The following COPB1 variants were observed in gnomAD, a reference collection of about 807,000 sequenced individuals.
COPB1 encodes the protein coatomer subunit beta.
A neutral mutation model predicts 108.7 loss-of-function variants in COPB1; 21 were observed. The ratio of observed to expected loss-of-function variants is 0.19; its 90% CI spans 0.14 to 0.28. COPB1 has a LOEUF of 0.28. Among genes scored for constraint, COPB1 ranks in the 10% least tolerant of loss-of-function variants. The probability of loss-of-function intolerance (pLI) is 1.00; values close to 1 mark genes in which losing one functional copy is unlikely to be tolerated. For synonymous variants in COPB1, 378 were observed against 386.8 expected (o/e 0.98, Z 0.27); for missense variants, 919 against 1,141.3 (o/e 0.81, Z 2.81).
chr11:14,474,704 ACT>A, intron 13 of COPB1, 89 bp from the exon 14 acceptor site: 1 of 1,507,002 alleles, frequency 6.6e-7, no homozygotes, highest in East Asian at 2.3e-5. Flanking sequence ...CCTATTAAAC[ACT>A]CTTATTACCA....
rs1851113786 is a variant in COPB1, at chr11:14,499,726, GC to G, written c.-78del. The G allele has an allele frequency of 6.6e-6, 1 of 152,336 alleles. No homozygotes were observed. 9.4% of individuals were successfully genotyped at this position (152,336 alleles called of 1,614,324 possible). On this transcript the variant is annotated 5_prime_UTR_variant, in exon 1 of 22. Coordinates refer to ENST00000439561, the MANE Select transcript of COPB1 (RefSeq NM_001144061.2). ...ACCCACCACGCCTCTGGGACTGGGG[GC>G]TTGTGGCCCACTACCAGGCTCCGAG... is the stretch of plus-strand genomic sequence containing the variant.
chr11:14,475,873 G>A lies in COPB1; in HGVS notation c.1528C>T (p.Pro510Ser), dbSNP rs1489193717. 9 of 1,613,200 alleles carry A rather than the reference G, an allele frequency of 5.6e-6. No homozygotes were observed. The highest frequency in any genetic ancestry group is 5.9e-6 in the Non-Finnish European group (7 of 1,179,714). The change falls in exon 13 of 22, where the codon CCA becomes TCA. Residue 510 changes from proline to serine, a missense_variant. Around this residue, in one of 5 missense-constraint regions of COPB1, gnomAD observed 705 missense variants for 817.8 expected, o/e 0.86. Transcript: ENST00000439561. ...ATTTCAGTAACCAATTTCTGAACTG[G>A]CCCTACAGTTATTTCTTCTTCAGGT... ...LKPEEEITVGPVQKLVTEMGT... is the reference protein window; with the variant it reads ...LKPEEEITVGSVQKLVTEMGT...
In COPB1 at chr11:14,473,128, C is replaced by G. The variant is rs889560279; in HGVS notation, c.1737+1367G>C. Among the ~76,000 whole-genome samples, 10 of 152,220 alleles carry G rather than the reference C, an allele frequency of 6.6e-5. No homozygotes were observed. In the East Asian group the frequency reaches 1.9e-3, roughly 29 times the overall value. The stretch of plus-strand genomic sequence containing the variant: ...TAGCTGGGAGTACAGGCGCCTGCCA[C>G]CACACCTGGCTAATTTTTGTATTTT... On this transcript the variant is annotated intron_variant, in intron 14 of 21. Transcript: ENST00000439561.
chr11:14,485,621 C>A (rs1001362794), intron 7 of COPB1, among the ~76,000 whole-genome samples: 1 of 152,152 alleles, frequency 6.6e-6, no homozygotes, highest in South Asian at 2.1e-4. Context: ...CCGAGGTTAG[C>A]GGATCACTTG....
chr11:14,471,755 C>A (rs904556480), intron 14 of COPB1, among the ~76,000 whole-genome samples: 5 of 152,034 alleles, frequency 3.3e-5, no homozygotes, highest in Non-Finnish European at 7.4e-5. Context: ...CCAGTCTCTA[C>A]TAAAAATACA....
intron 7 of COPB1, among the ~76,000 whole-genome samples, chr11:14,485,157 T>A (rs1850743359): frequency 6.6e-6 from 1 of 152,134 alleles, no homozygotes; most frequent in Non-Finnish European, 1.5e-5. Flanking sequence ...CACACCACCA[T>A]GCCCAGCTAA....
At chr11:14,485,568 C>T (rs1589964831) in intron 7 of COPB1, among the ~76,000 whole-genome samples, 2 of 152,188 alleles carry the variant, frequency 1.3e-5, no homozygotes, top group Non-Finnish European at 2.9e-5. Flanking sequence ...GTTTTGTGGC[C>T]AGGCGCGGTG....
intron 2 of COPB1, among the ~76,000 whole-genome samples, chr11:14,495,752 A>G (rs1421140313): frequency 6.6e-6 from 1 of 152,240 alleles, no homozygotes; most frequent in Non-Finnish European, 1.5e-5. Context: ...GGCAGCTTCA[A>G]TTAAGACTAG....
At chr11:14,497,640 C>CAAAAAACT (rs1851052781) in intron 2 of COPB1, among the ~76,000 whole-genome samples, 2 of 151,996 alleles carry the variant, frequency 1.3e-5, no homozygotes. Context: ...GGAGGGTCCT[C>CAAAAAACT]AAAAAACTAA....
chr11:14,461,421 T>A, intron 18 of COPB1, 90 bp from the exon 19 acceptor site: 1 of 1,294,778 alleles, frequency 7.7e-7, no homozygotes, highest in Non-Finnish European at 1.1e-6. Flanking sequence ...AGAACTACAC[T>A]ATTAACAATA....
At chr11:14,497,503 C>A (rs1216343862) in intron 2 of COPB1, among the ~76,000 whole-genome samples, 1 of 152,088 alleles carries the variant, frequency 6.6e-6, no homozygotes, top group East Asian at 1.9e-4. Flanking sequence ...TCATCTCACC[C>A]CAGTTAAAAT....
chr11:14,497,635 G>A (rs1329695134), intron 2 of COPB1, among the ~76,000 whole-genome samples: 1 of 152,106 alleles, frequency 6.6e-6, no homozygotes, highest in Non-Finnish European at 1.5e-5. Context: ...AGTTTGGAGG[G>A]TCCTCAAAAA....
At chr11:14,499,489 CT>C (rs1202918433) in intron 1 of COPB1, 2 of 151,984 alleles carry the variant, frequency 1.3e-5, no homozygotes, top group East Asian at 3.9e-4. Context: ...AAGGGTACGC[CT>C]AGGGGTCTTG....
At chr11:14,481,498 T>TA (rs1850657874) in intron 8 of COPB1, among the ~76,000 whole-genome samples, 1 of 152,076 alleles carries the variant, frequency 6.6e-6, no homozygotes, top group African/African-American at 2.4e-5. Flanking sequence ...TGTCCAAAAT[T>TA]AAGAGACTGA....
At chr11:14,491,795 T>C (rs1007193213) in intron 4 of COPB1, among the ~76,000 whole-genome samples, 2 of 152,226 alleles carry the variant, frequency 1.3e-5, no homozygotes, top group Admixed American at 1.3e-4. Flanking sequence ...ACACCATCTG[T>C]TAACCAATGT....
intron 18 of COPB1, 27 bp from the exon 19 acceptor site, chr11:14,461,358 G>A (rs374563137): frequency 5.0e-6 from 8 of 1,603,554 alleles, no homozygotes; most frequent in Non-Finnish European, 6.0e-6. Context: ...AAAAAGATTC[G>A]CAATCACTGG....
At chr11:14,470,944 A>ACACT (rs1285522756) in intron 14 of COPB1, among the ~76,000 whole-genome samples, 1,221 of 89,960 alleles carry the variant, frequency 0.014, 7 homozygotes, top group East Asian at 0.028. Context: ...ACACACACAC[A>ACACT]CTCTCTCTCT....
chr11:14,494,281 T>C lies in COPB1; in HGVS notation c.250A>G (p.Ile84Val). The C allele has an allele frequency of 6.2e-7, 1 of 1,613,846 alleles. No individual in the cohort carries two copies. Among genetic ancestry groups the C allele is most frequent in the Non-Finnish European group, 8.5e-7 (1 of 1,179,846 alleles). The part of the protein sequence containing the change: ...IKKLLLVFWE[I>V]VPKTTPDGRL... ...CCATCTGGAGTTGTTTTAGGAACAA[T>C]TTCCCAAAATACCAGAAGTAATTTC... The change falls in exon 3 of 22, where the codon ATT becomes GTT. Residue 84 changes from isoleucine (I) to valine (V), a missense_variant. This residue lies in a region of COPB1 where 92 missense variants were observed against 108.4 expected (regional missense o/e 0.85). Coordinates refer to ENST00000439561, the MANE Select transcript of COPB1 (RefSeq NM_001144061.2).
chr11:14,469,981 A>T (rs547548072), intron 14 of COPB1, among the ~76,000 whole-genome samples: 6 of 152,202 alleles, frequency 3.9e-5, no homozygotes, highest in Non-Finnish European at 7.3e-5. Context: ...AAAAGTCTTC[A>T]CCTCATAAAT....
Sources: allele counts gnomAD v4.1 joint callset (sites outside exome capture counted in the v4.1 genomes callset), GRCh38; gene constraint gnomAD v4.1.1; regional missense constraint gnomAD v4.1.1; transcripts MANE v1.5; gene names NCBI Gene and HGNC (gene_info 2026-07-23, HGNC 2026-07-21).